The following MASP1 variants were observed in gnomAD, a reference collection of about 807,000 sequenced individuals.
The protein encoded by MASP1 is mannan-binding lectin serine protease 1.
A neutral mutation model predicts 77.1 loss-of-function variants in MASP1; 59 were observed. The ratio of observed to expected loss-of-function variants is 0.77; its 90% CI spans 0.62 to 0.95. The LOEUF is 0.95. MASP1 is among the 40% of genes least tolerant of loss of function. MASP1 has a pLI of 0.00. For synonymous variants in MASP1, 362 were observed against 354.5 expected (o/e 1.02, Z -0.24); for missense variants, 885 against 912.9 (o/e 0.97, Z 0.39).
exon 16 of MASP1, chr3:187,220,028 C>T (rs1313063812): frequency 1.9e-6 from 3 of 1,603,264 alleles, no homozygotes; most frequent in Non-Finnish European, 2.6e-6. Flanking sequence ...TCCTCTGCTA[C>T]TGACTGCCCA....
At chr3:187,273,023 A>G (rs12106739) in intron 2 of MASP1, among the ~76,000 whole-genome samples, 15,710 of 152,278 alleles carry the variant, frequency 0.1, 1,018 homozygotes, top group African/African-American at 0.19. Flanking sequence ...TTGAGCACTC[A>G]GTACATCAAT....
intron 1 of MASP1, among the ~76,000 whole-genome samples, chr3:187,290,448 T>C (rs961573332): frequency 1.3e-5 from 2 of 152,150 alleles, no homozygotes; most frequent in Non-Finnish European, 2.9e-5. Context: ...GACAGATAAA[T>C]GAGATTATCA....
intron 2 of MASP1, among the ~76,000 whole-genome samples, chr3:187,271,877 C>T (rs1716556305): frequency 6.6e-6 from 1 of 152,210 alleles, no homozygotes; most frequent in Non-Finnish European, 1.5e-5. Context: ...CTCCTCAGCA[C>T]TCTGTCACCT....
chr3:187,223,441 C>T (rs1051631095), intron 13 of MASP1, among the ~76,000 whole-genome samples: 1 of 152,240 alleles, frequency 6.6e-6, no homozygotes, highest in Non-Finnish European at 1.5e-5. Context: ...TTCTGTCCCA[C>T]CCTCAACTAG....
In MASP1 at chr3:187,262,572, G is replaced by C; in HGVS notation, c.386C>G (p.Thr129Arg). 1 of 1,614,116 alleles carries C rather than the reference G, an allele frequency of 6.2e-7. No homozygotes were observed. Among genetic ancestry groups the C allele is most frequent in the Non-Finnish European group, 8.5e-7 (1 of 1,180,004 alleles). Reference sequence around the variant, plus strand: ...AGCCATGTAGTGGGCATCAAAGCCTGTGAAACGCTCCTCATTGGAGAAATC... The same window carrying C: ...AGCCATGTAGTGGGCATCAAAGCCTCTGAAACGCTCCTCATTGGAGAAATC... ...RSDFSNEERF[T>R]GFDAHYMAVD... Residue 129 changes from threonine (T) to arginine (R), a missense_variant, in exon 3 of 11, where the codon ACA (threonine) becomes AGA (arginine). By Grantham distance (71) the Thr-to-Arg change is moderately conservative. Coordinates refer to ENST00000296280, the MANE Select transcript of MASP1 (RefSeq NM_139125.4).
chr3:187,235,319 C>T lies in MASP1; in HGVS notation c.*365G>A, dbSNP rs1048784409. ...AAGCTCAGTTATACCAACAGTAGGA[C>T]CGATGGGTTTGATAAGTGGTCAGGA... On this transcript the variant is annotated 3_prime_UTR_variant, in exon 11 of 11. Transcript: ENST00000296280. 35 of 1,345,198 alleles carry T rather than the reference C, an allele frequency of 2.6e-5. No homozygotes were observed. The highest frequency in any genetic ancestry group is 2.9e-4 in the Middle Eastern group (1 of 3,398). 83.3% of individuals were successfully genotyped at this position (1,345,198 alleles called of 1,614,324 possible).
At chr3:187,287,813 C>T (rs1316011357) in intron 1 of MASP1, among the ~76,000 whole-genome samples, 1 of 152,194 alleles carries the variant, frequency 6.6e-6, no homozygotes, top group Non-Finnish European at 1.5e-5. Flanking sequence ...TTGTTTCTCT[C>T]CAATACCCAG....
intron 1 of MASP1, among the ~76,000 whole-genome samples, chr3:187,290,956 C>T (rs927231590): frequency 4.0e-5 from 6 of 150,498 alleles, no homozygotes. Flanking sequence ...ATTTGAAGTT[C>T]TTGATTTCAG....
At chr3:187,282,624 A>G (rs1282116910) in intron 2 of MASP1, among the ~76,000 whole-genome samples, 2 of 151,574 alleles carry the variant, frequency 1.3e-5, no homozygotes, top group Non-Finnish European at 1.5e-5. Context: ...TCTCAGCTCT[A>G]GGAGGGCAAC....
At chr3:187,244,783 C>A (rs1389797076) in intron 8 of MASP1, 1 of 152,222 alleles carries the variant, frequency 6.6e-6, no homozygotes, top group Non-Finnish European at 1.5e-5. Flanking sequence ...TGGACATCAA[C>A]TGTCAGAATT....
chr3:187,230,455 T>A (rs1174455888), downstream of MASP1, among the ~76,000 whole-genome samples: 2 of 152,240 alleles, frequency 1.3e-5, no homozygotes, highest in African/African-American at 4.8e-5. Flanking sequence ...TTTTCAGTTA[T>A]GTGTGCCTAT....
Position 187,235,316 on chromosome 3 carries a change from G to A in MASP1, c.*368C>T. On this transcript the variant is annotated 3_prime_UTR_variant, in exon 11 of 11. Coordinates refer to ENST00000296280, the MANE Select transcript of MASP1 (RefSeq NM_139125.4). ...TCCAAGCTCAGTTATACCAACAGTA[G>A]GACCGATGGGTTTGATAAGTGGTCA... is the stretch of plus-strand genomic sequence containing the variant. The A allele has an allele frequency of 7.4e-7, 1 of 1,342,528 alleles. No individual in the cohort carries two copies. Among genetic ancestry groups the A allele is most frequent in the South Asian group, 1.2e-5 (1 of 81,432 alleles). 83.2% of individuals were successfully genotyped at this position (1,342,528 alleles called of 1,614,324 possible).
At chr3:187,255,723 C>G (rs1266381543) in intron 5 of MASP1, among the ~76,000 whole-genome samples, 1 of 152,224 alleles carries the variant, frequency 6.6e-6, no homozygotes, top group Non-Finnish European at 1.5e-5. Flanking sequence ...CTGCCTCTCT[C>G]ACTGTTGACA....
Position 187,236,480 on chromosome 3 carries a change from TG to T in MASP1, c.1390del (p.Gln464ArgfsTer3). ...AGTGTCCTCCACCACTATCAGGGCC[TG>T]CCACGGGAAGAGGCCAGGCTCAGCA... Reference protein sequence around the residue: ...RNAEPGLFPWQALIVVEDTSR... With the variant: ...RNAEPGLFPWXALIVVEDTSR... On this transcript the variant is annotated frameshift_variant, in exon 11 of 11. Transcript: ENST00000296280. LOFTEE classifies it high-confidence loss of function. The T allele has an allele frequency of 1.2e-6, 2 of 1,614,032 alleles. No individual in the cohort carries two copies. The highest frequency in any genetic ancestry group is 1.7e-6 in the Non-Finnish European group (2 of 1,180,010).
chr3:187,228,878 A>G (rs1050219762), intron 11 of MASP1, among the ~76,000 whole-genome samples: 1 of 152,202 alleles, frequency 6.6e-6, no homozygotes, highest in Non-Finnish European at 1.5e-5. Flanking sequence ...CTTTGGCTGC[A>G]GCTCTAGCCC....
In MASP1 at chr3:187,245,933, G is replaced by A. The variant is rs528370361; in HGVS notation, c.1091-2312C>T. On this transcript the variant is annotated intron_variant, in intron 8 of 10. Transcript: ENST00000296280. ...TGTACTGGGGGGCTTTCTAGAGAACGATGTGCAATCAGCTAACCCTGGCAC... is the reference window on the plus strand; with the variant it reads ...TGTACTGGGGGGCTTTCTAGAGAACAATGTGCAATCAGCTAACCCTGGCAC... Among the ~76,000 whole-genome samples, 5 of 152,298 alleles carry A rather than the reference G, an allele frequency of 3.3e-5. No homozygotes were observed. In the South Asian group the frequency reaches 8.3e-4, roughly 25 times the overall value.
At chr3:187,247,438 C>T in intron 8 of MASP1, 1 of 1,601,244 alleles carries the variant, frequency 6.2e-7, no homozygotes, top group Non-Finnish European at 8.6e-7. Flanking sequence ...AGGAAGGAAG[C>T]AGAGAGAGGA....
intron 2 of MASP1, among the ~76,000 whole-genome samples, chr3:187,278,565 A>C (rs1260005533): frequency 1.3e-5 from 2 of 152,182 alleles, no homozygotes; most frequent in African/African-American, 4.8e-5. Context: ...CAGCATTTCC[A>C]GCTGTATTCA....
intron 2 of MASP1, among the ~76,000 whole-genome samples, chr3:187,272,671 C>T (rs4686867): frequency 0.091 from 13,910 of 152,072 alleles, 660 homozygotes; most frequent in South Asian, 0.12. Context: ...GTGCCAAAGA[C>T]GGCCCGCCTA....
Sources: allele counts gnomAD v4.1 joint callset (sites outside exome capture counted in the v4.1 genomes callset), GRCh38; gene constraint gnomAD v4.1.1; transcripts MANE v1.5; gene names NCBI Gene and HGNC (gene_info 2026-07-23, HGNC 2026-07-21).